Variants in SPMIP4 observed in about 807,000 individuals in gnomAD.
SPMIP4 encodes the protein sperm microtubule inner protein 4.
chr7:25,127,303 T>C, the SPMIP4 span, among the ~76,000 whole-genome samples: 3 of 152,300 alleles, frequency 2.0e-5, no homozygotes, highest in Admixed American at 2.0e-4. Context: ...TAGCTCCTCT[T>C]TATGGCCAGT....
chr7:25,179,530 A>T, the SPMIP4 span: 1 of 396,564 alleles, frequency 2.5e-6, no homozygotes, highest in Non-Finnish European at 4.4e-6. Flanking sequence ...CAAATCCACA[A>T]AGTGGACGGT....
chr7:25,136,056 T>A, the SPMIP4 span: 1 of 1,614,166 alleles, frequency 6.2e-7, no homozygotes, highest in South Asian at 1.1e-5. This position sits in a 1 kb window ranked among gnomAD's most constrained non-coding sequence, Gnocchi z 5.7. Context: ...CTTTATGGTC[T>A]TCTAGAATTG....
At chr7:25,177,039 A>T in the SPMIP4 span, among the ~76,000 whole-genome samples, 3 of 152,264 alleles carry the variant, frequency 2.0e-5, no homozygotes, top group Non-Finnish European at 4.4e-5. Flanking sequence ...TATTCTGCAT[A>T]GCTTCAGAGG....
the SPMIP4 span, among the ~76,000 whole-genome samples, chr7:25,141,574 GAAAAAA>G: frequency 8.4e-5 from 8 of 94,934 alleles, no homozygotes; most frequent in Non-Finnish European, 1.2e-4. Flanking sequence ...CTGTCTCAAG[GAAAAAA>G]AAAAAAAAAA....
the SPMIP4 span, among the ~76,000 whole-genome samples, chr7:25,149,537 C>A: frequency 2.6e-5 from 4 of 152,238 alleles, no homozygotes; most frequent in East Asian, 3.9e-4. Context: ...TGGGATTAAT[C>A]ATCAGAAATA....
the SPMIP4 span, among the ~76,000 whole-genome samples, chr7:25,148,560 T>C: frequency 6.8e-6 from 1 of 146,072 alleles, no homozygotes; most frequent in Non-Finnish European, 1.5e-5. Flanking sequence ...CTGCAGCCTC[T>C]GCCTCCCGAG....
chr7:25,135,967 G>A, the SPMIP4 span: 1 of 1,578,368 alleles, frequency 6.3e-7, no homozygotes, highest in Admixed American at 1.9e-5. Flanking sequence ...GGAAGAATGA[G>A]TATCTCAATT....
At chr7:25,149,949 G>A in the SPMIP4 span, among the ~76,000 whole-genome samples, 2 of 152,172 alleles carry the variant, frequency 1.3e-5, no homozygotes, top group South Asian at 4.1e-4. Context: ...CTCCTGACCT[G>A]GTTCTCTTTG....
the SPMIP4 span, chr7:25,179,364 G>C: frequency 6.3e-7 from 1 of 1,575,608 alleles, no homozygotes; most frequent in African/African-American, 1.4e-5. Flanking sequence ...CATTTGGCTT[G>C]TCGAGTCAAG....
At chr7:25,173,010 C>T in the SPMIP4 span, among the ~76,000 whole-genome samples, 4 of 95,028 alleles carry the variant, frequency 4.2e-5, no homozygotes, top group Non-Finnish European at 8.2e-5. This position sits in a 1 kb window ranked among gnomAD's most constrained non-coding sequence, Gnocchi z 4.4. Flanking sequence ...GGGAGGAGGG[C>T]GAGAGAAGGA....
At chr7:25,144,719 C>T in the SPMIP4 span, among the ~76,000 whole-genome samples, 2 of 152,156 alleles carry the variant, frequency 1.3e-5, no homozygotes, top group African/African-American at 2.4e-5. Context: ...CAGAACTGGC[C>T]CTCTAAAGTG....
chr7:25,135,575 A>ACAAATTATAGTATCTT, the SPMIP4 span: 1 of 913,366 alleles, frequency 1.1e-6, no homozygotes, highest in Non-Finnish European at 1.3e-6. Context: ...AAGATACTAT[A>ACAAATTATAGTATCTT]ATTTGTATAG....
At chr7:25,159,265 G>A in the SPMIP4 span, among the ~76,000 whole-genome samples, 1 of 152,190 alleles carries the variant, frequency 6.6e-6, no homozygotes, top group Admixed American at 6.5e-5. Context: ...GCTCTGTGTT[G>A]CTGATCTCTC....
At chr7:25,131,774 T>C in the SPMIP4 span, among the ~76,000 whole-genome samples, 1 of 152,188 alleles carries the variant, frequency 6.6e-6, no homozygotes, top group Non-Finnish European at 1.5e-5. The surrounding 1 kb of genome is among the most constrained non-coding windows in gnomAD (Gnocchi z 4.2). Flanking sequence ...AAGAGAACCA[T>C]GGAACCCAGT....
the SPMIP4 span, among the ~76,000 whole-genome samples, chr7:25,154,517 G>A: frequency 6.6e-6 from 1 of 152,166 alleles, no homozygotes; most frequent in Non-Finnish European, 1.5e-5. Flanking sequence ...GGGAGAACCT[G>A]CTCCAGGGTG....
At chr7:25,160,747 C>G in the SPMIP4 span, among the ~76,000 whole-genome samples, 1 of 152,092 alleles carries the variant, frequency 6.6e-6, no homozygotes, top group Non-Finnish European at 1.5e-5. Context: ...AAAAATAATA[C>G]TTAGGAAGTG....
At chr7:25,152,748 C>CTTT in the SPMIP4 span, among the ~76,000 whole-genome samples, 72 of 120,394 alleles carry the variant, frequency 6.0e-4, 2 homozygotes, top group East Asian at 2.1e-3. Flanking sequence ...CGTTGTCTCT[C>CTTT]TTTTTTTTTT....
At chr7:25,160,104 T>C in the SPMIP4 span, among the ~76,000 whole-genome samples, 2 of 152,324 alleles carry the variant, frequency 1.3e-5, no homozygotes, top group African/African-American at 2.4e-5. Flanking sequence ...ATCAGCCCAT[T>C]AATTTTACTG....
the SPMIP4 span, among the ~76,000 whole-genome samples, chr7:25,133,352 TAC>T: frequency 3.3e-5 from 5 of 152,358 alleles, no homozygotes; most frequent in African/African-American, 7.2e-5. Context: ...CACAGTTTTG[TAC>T]ACTTTGTGTT....
Sources: gnomAD v4.1 joint callset for allele counts (sites outside exome capture counted in the v4.1 genomes callset) on GRCh38, gnomAD v4.1.1 for gene constraint, Gnocchi (gnomAD v3.1) non-coding constraint, MANE v1.5 for transcripts, NCBI Gene and HGNC (gene_info 2026-07-23, HGNC 2026-07-21) for gene names.